The following DNAH12 variants were observed in gnomAD, a reference collection of about 807,000 sequenced individuals.
DNAH12 encodes dynein axonemal heavy chain 12, also known as axonemal beta dynein heavy chain 12.
Under a neutral mutation model 371.5 loss-of-function variants are expected in DNAH12, and 285 were observed. That is an observed-to-expected ratio of 0.77 (90% confidence interval 0.70 to 0.85). DNAH12 has a LOEUF of 0.85. DNAH12 is among the 40% of genes least tolerant of loss of function. The probability of loss-of-function intolerance (pLI) is 0.00; values close to 1 mark genes in which losing one functional copy is unlikely to be tolerated. For missense variants in DNAH12, 3,611 were observed against 3,689.4 expected, an observed-to-expected ratio of 0.98 and a Z score of 0.55; for synonymous variants, 1,200 against 1,213.0, an observed-to-expected ratio of 0.99 and a Z score of 0.22.
intron 39 of DNAH12, among the ~76,000 whole-genome samples, chr3:57,410,274 A>G (rs2064159251): frequency 6.6e-6 from 1 of 151,966 alleles, no homozygotes; most frequent in South Asian, 2.1e-4. Context: ...TCTGTGTCAC[A>G]TTTTGGTAAT....
chr3:57,461,431 T>C, intron 19 of DNAH12, 58 bp downstream of exon 19: 2 of 1,492,340 alleles, frequency 1.3e-6, no homozygotes, highest in East Asian at 2.5e-5. Flanking sequence ...AGAGCGTATA[T>C]GTAATAGGAT....
chr3:57,502,292 A>C, intron 10 of DNAH12, 31 bp downstream of exon 10: 1 of 1,607,098 alleles, frequency 6.2e-7, no homozygotes, highest in Non-Finnish European at 8.5e-7. Context: ...AGTGATGACA[A>C]ATGGTATAAT....
intron 37 of DNAH12, among the ~76,000 whole-genome samples, chr3:57,417,231 G>A (rs903859860): frequency 2.1e-5 from 3 of 140,472 alleles, no homozygotes; most frequent in African/African-American, 8.2e-5. Context: ...GCCTAGGCAA[G>A]AAGAGTGAAA....
intron 16 of DNAH12, 45 bp from the exon 17 acceptor site, chr3:57,469,024 T>C: frequency 2.7e-6 from 4 of 1,492,460 alleles, no homozygotes; most frequent in Non-Finnish European, 3.6e-6. Context: ...CTTTTGAAGT[T>C]TGAAGGGGCC....
intron 43 of DNAH12, among the ~76,000 whole-genome samples, chr3:57,396,291 A>AAC (rs2063737305): frequency 1.9e-4 from 2 of 10,344 alleles, no homozygotes; most frequent in Non-Finnish European, 4.1e-4. Context: ...AAAAAAAAAC[A>AAC]AAAAAAAAAA....
intron 32 of DNAH12, among the ~76,000 whole-genome samples, chr3:57,432,399 C>T (rs528645787): frequency 4.3e-4 from 65 of 149,728 alleles, no homozygotes; most frequent in Non-Finnish European, 8.4e-4. Context: ...AGGCTGGTCT[C>T]GAACTCCTGA....
chr3:57,344,603 T>C (rs2062492003), intron 60 of DNAH12, among the ~76,000 whole-genome samples: 1 of 152,168 alleles, frequency 6.6e-6, no homozygotes, highest in African/African-American at 2.4e-5. Flanking sequence ...TGGAATACCA[T>C]TCAGCCATAA....
chr3:57,497,234 T>C (rs867156793), intron 11 of DNAH12, among the ~76,000 whole-genome samples: 3 of 152,198 alleles, frequency 2.0e-5, no homozygotes. Context: ...TAGGAATTGA[T>C]AGGTTGATTT....
At position 57,433,500 on chromosome 3, in the gene DNAH12, T is replaced by A; in HGVS notation, c.4847A>T (p.Asp1616Val). The A allele has an allele frequency of 6.4e-7, 1 of 1,550,978 alleles. No homozygotes were observed. The highest frequency in any genetic ancestry group is 1.4e-5 in the African/African-American group (1 of 73,120). Residue 1616 changes from aspartate to valine, a missense_variant, in exon 32 of 74, where the codon GAT becomes GTT. Transcript: ENST00000495027. ...TCTAAAAGTGTTAGCCACAATACCA[T>A]CAGTCCACTGAGGAGGAAAAAAAAG... ...QFDPVSHEWT[D>V]GIVANTFREF...
chr3:57,416,278 G>C (rs1242559869), intron 37 of DNAH12, among the ~76,000 whole-genome samples: 3 of 151,996 alleles, frequency 2.0e-5, no homozygotes, highest in Admixed American at 2.0e-4. Context: ...GTTTTAAAGA[G>C]ACAGGGCCCG....
rs2066398892 is a variant in DNAH12, at chr3:57,472,631, A to G, written c.1691T>C (p.Leu564Pro). Residue 564 changes from leucine (L) to proline (P), a missense_variant, in exon 14 of 74, where the codon CTA becomes CCA. By Grantham distance (98) the Leu-to-Pro change is moderately conservative (BLOSUM62 -3). Around this residue, in one of 3 missense-constraint regions of DNAH12, gnomAD observed 1,314 missense variants for 1,398.7 expected, o/e 0.94. Transcript: ENST00000495027. ...RQMSYFLDVF[L>P]FPQEDLALNA... ...TAAAGCTAAGTCTTCTTGAGGAAAT[A>G]GGAAAACATCTAAAAAGTAACTCAT... is the stretch of plus-strand genomic sequence containing the variant. The G allele has an allele frequency of 6.4e-7, 1 of 1,551,156 alleles. No individual in the cohort carries two copies. Among genetic ancestry groups the G allele is most frequent in the Non-Finnish European group, 8.7e-7 (1 of 1,146,764 alleles).
chr3:57,388,717 T>C (rs1323062452), intron 45 of DNAH12, among the ~76,000 whole-genome samples: 9 of 152,230 alleles, frequency 5.9e-5, no homozygotes, highest in African/African-American at 2.2e-4. Flanking sequence ...TGGAATACTA[T>C]GCAGCCATAA....
intron 45 of DNAH12, among the ~76,000 whole-genome samples, chr3:57,390,424 A>AAATATATATATATATATAT: frequency 6.0e-5 from 2 of 33,438 alleles, no homozygotes; most frequent in Non-Finnish European, 1.4e-4. Context: ...AAAAAAAAAA[A>AAATATATATATATATATAT]ATATATATAT....
chr3:57,423,672 C>T (rs765529585), intron 35 of DNAH12, among the ~76,000 whole-genome samples: 14 of 152,104 alleles, frequency 9.2e-5, no homozygotes, highest in Non-Finnish European at 1.3e-4. Flanking sequence ...ACACTAAAAA[C>T]CTCTTTCCTC....
intron 70 of DNAH12, among the ~76,000 whole-genome samples, chr3:57,299,623 C>A (rs1019118849): frequency 6.6e-6 from 1 of 152,016 alleles, no homozygotes; most frequent in African/African-American, 2.4e-5. Context: ...GGAGATGGAG[C>A]CTTTGGGAGG....
At chr3:57,340,388 A>C (rs377127031) in intron 60 of DNAH12, among the ~76,000 whole-genome samples, 8 of 152,104 alleles carry the variant, frequency 5.3e-5, no homozygotes, top group Non-Finnish European at 1.0e-4. Context: ...GTTTTTCAAA[A>C]AGATCAACAA....
In DNAH12 at chr3:57,322,925, G is replaced by A. The variant is rs545875973; in HGVS notation, c.10383+82C>T. On this transcript the variant is annotated intron_variant, in intron 64 of 73. Transcript: ENST00000495027. ...AGCCTGGGAGACAGAGTAAGACTCC[G>A]TCTCAAAACAAACAAACAAAACAAA... The A allele has an allele frequency of 7.9e-5, 117 of 1,484,032 alleles. 1 individual carries two copies. Among genetic ancestry groups the A allele is most frequent in the Middle Eastern group, 7.1e-4 (4 of 5,606 alleles). The allele number at this position is 1,484,032 out of a possible 1,614,324, so 91.9% of individuals were successfully genotyped here.
chr3:57,421,709 G>C lies in DNAH12; in HGVS notation c.5374-3C>G, dbSNP rs1404856976. 1 of 1,551,470 alleles carries C rather than the reference G, an allele frequency of 6.4e-7. No homozygotes were observed. Among genetic ancestry groups the C allele is most frequent in the Non-Finnish European group, 8.7e-7 (1 of 1,146,932 alleles). ...ATCAAAGAGAATATAAAGCAAGCCT[G>C]TTGGTGGAGAAAAAATTTAACTTAT... On this transcript the variant is annotated splice_region_variant and splice_polypyrimidine_tract_variant and intron_variant, in intron 35 of 73. Coordinates refer to ENST00000495027, the MANE Select transcript of DNAH12 (RefSeq NM_001366028.2).
At chr3:57,306,917 TC>T (rs1394091500) in intron 69 of DNAH12, among the ~76,000 whole-genome samples, 2 of 152,150 alleles carry the variant, frequency 1.3e-5, no homozygotes, top group Non-Finnish European at 2.9e-5. Context: ...AACCCATTAT[TC>T]TGTTCTGGAT....
Sources: gnomAD v4.1 joint callset for allele counts (sites outside exome capture counted in the v4.1 genomes callset) on GRCh38, gnomAD v4.1.1 for gene constraint, gnomAD v4.1.1 regional missense constraint, MANE v1.5 for transcripts, NCBI Gene and HGNC (gene_info 2026-07-23, HGNC 2026-07-21) for gene names.